Variants in PTPRN2 observed in about 807,000 individuals in gnomAD.
The protein encoded by PTPRN2 is protein tyrosine phosphatase receptor type N2.
PTPRN2 carries 74 observed loss-of-function variants against 118.8 expected under a neutral mutation model. The ratio of observed to expected loss-of-function variants is 0.62; its 90% CI spans 0.52 to 0.76. The LOEUF (loss-of-function observed/expected upper bound fraction) is 0.76, where lower values mean the gene tolerates loss of function less well. Among genes scored for constraint, PTPRN2 ranks in the 30% least tolerant of loss-of-function variants. PTPRN2 has a pLI of 0.00. For missense variants in PTPRN2, 1,481 were observed against 1,394.4 expected (o/e 1.06, Z -0.99); for synonymous variants, 641 against 608.0 (o/e 1.05, Z -0.80).
At chr7:157,799,618 C>G (rs1805101083) in intron 12 of PTPRN2, among the ~76,000 whole-genome samples, 1 of 152,102 alleles carries the variant, frequency 6.6e-6, no homozygotes, top group African/African-American at 2.4e-5. Context: ...CTCCTCAGGC[C>G]CAGTGTTCTG....
At chr7:158,163,016 T>G (rs938137997) in intron 6 of PTPRN2, among the ~76,000 whole-genome samples, 3 of 152,154 alleles carry the variant, frequency 2.0e-5, no homozygotes, top group African/African-American at 4.8e-5. Flanking sequence ...CAGTTGCTCT[T>G]TGTGTGTTGA....
intron 12 of PTPRN2, among the ~76,000 whole-genome samples, chr7:157,842,618 T>C (rs903990775): frequency 6.6e-6 from 1 of 152,024 alleles, no homozygotes; most frequent in African/African-American, 2.4e-5. Context: ...TTTCACCATG[T>C]CGGTCAGGCT....
chr7:158,528,743 G>A (rs567054259), intron 1 of PTPRN2, among the ~76,000 whole-genome samples: 1 of 149,356 alleles, frequency 6.7e-6, no homozygotes, highest in East Asian at 2.0e-4. Context: ...CCAGTAAGCC[G>A]AGATCACACC....
At chr7:158,348,963 GC>G (rs1262702229) in intron 2 of PTPRN2, among the ~76,000 whole-genome samples, 1 of 90,186 alleles carries the variant, frequency 1.1e-5, no homozygotes, top group East Asian at 3.4e-4. Context: ...GCTGAGGGTG[GC>G]CCACGTCACT....
intron 12 of PTPRN2, among the ~76,000 whole-genome samples, chr7:157,694,861 C>T (rs1026291740): frequency 4.0e-5 from 6 of 151,598 alleles, no homozygotes; most frequent in Non-Finnish European, 8.8e-5. Flanking sequence ...AACTTTTAAA[C>T]ATGACACAAA....
chr7:158,305,722 A>G (rs1199697702), intron 3 of PTPRN2, among the ~76,000 whole-genome samples: 1 of 152,082 alleles, frequency 6.6e-6, no homozygotes, highest in African/African-American at 2.4e-5. Flanking sequence ...ACCACCCAAA[A>G]ATATCAGAAT....
intron 11 of PTPRN2, among the ~76,000 whole-genome samples, chr7:157,911,241 A>G (rs1472787540): frequency 6.6e-6 from 1 of 152,196 alleles, no homozygotes; most frequent in Non-Finnish European, 1.5e-5. Flanking sequence ...AAACGTCTGC[A>G]TGGTGACTGG....
intron 1 of PTPRN2, among the ~76,000 whole-genome samples, chr7:158,508,371 C>T (rs901890767): frequency 6.6e-6 from 1 of 152,154 alleles, no homozygotes; most frequent in Non-Finnish European, 1.5e-5. Flanking sequence ...GTATGTGGCA[C>T]CTGTCCAAGC....
chr7:158,185,243 A>G (rs1409417791), intron 5 of PTPRN2, among the ~76,000 whole-genome samples: 1 of 152,162 alleles, frequency 6.6e-6, no homozygotes, highest in Non-Finnish European at 1.5e-5. Context: ...GTTGACATTT[A>G]TTGAGACTTA....
rs553223126 is a variant in PTPRN2 at position 157,676,703 on chromosome 7, G to A, written c.2001+6022C>T. Among the ~76,000 whole-genome samples, 222 of 152,322 alleles carry A rather than the reference G, an allele frequency of 1.5e-3. 1 individual carries two copies. The highest frequency in any genetic ancestry group is 5.2e-3 in the African/African-American group (218 of 41,564). On this transcript the variant is annotated intron_variant, in intron 13 of 22. Coordinates refer to ENST00000389418, the MANE Select transcript of PTPRN2 (RefSeq NM_002847.5). This position sits in a 1 kb window ranked among gnomAD's most constrained non-coding sequence, Gnocchi z 5.6. ...TATCTGCTGCTGACTTTGCCCCCTT[G>A]TAAAACAGGGTTGGGAGATAATGAG...
intron 12 of PTPRN2, among the ~76,000 whole-genome samples, chr7:157,824,152 G>A (rs1460833789): frequency 6.6e-6 from 1 of 152,130 alleles, no homozygotes; most frequent in Non-Finnish European, 1.5e-5. Flanking sequence ...TTTGTGCACA[G>A]CCTCCTGTGA....
At chr7:158,081,848 G>T (rs1393932268) in intron 10 of PTPRN2, among the ~76,000 whole-genome samples, 1 of 152,150 alleles carries the variant, frequency 6.6e-6, no homozygotes, top group African/African-American at 2.4e-5. Flanking sequence ...AAAACAACTG[G>T]CAGGGAATTG....
chr7:158,389,413 G>T (rs1406148586), intron 2 of PTPRN2, among the ~76,000 whole-genome samples: 1 of 152,222 alleles, frequency 6.6e-6, no homozygotes, highest in Non-Finnish European at 1.5e-5. Context: ...GATGTATTGT[G>T]CCTTCTTTCT....
rs35071475 is a variant in PTPRN2 at position 157,583,883 on chromosome 7, AACACACACACACACACACAC to A, written c.2497-5763_2497-5744del. Among the ~76,000 whole-genome samples, 1,507 of 134,264 alleles carry A rather than the reference AACACACACACACACACACAC, an allele frequency of 0.011. 27 individuals carry two copies. Among genetic ancestry groups the A allele is most frequent in the African/African-American group, 0.04 (1,429 of 35,640 alleles). 88.1% of individuals were successfully genotyped at this position (134,264 alleles called of 152,430 possible). A position where few individuals can be genotyped will look rare whatever the true frequency, so the allele number is the denominator to read the frequency against. Reference sequence around the variant, plus strand: ...GGTGACAGAGCGAGACTCTGTCTCAAACACACACACACACACACACACACACACACACACACACACACACA... The same window carrying A: ...GGTGACAGAGCGAGACTCTGTCTCAAACACACACACACACACACACACACA... On this transcript the variant is annotated intron_variant, in intron 17 of 22. Transcript: ENST00000389418. The surrounding 1 kb of genome is among the most constrained non-coding windows in gnomAD (Gnocchi z 5.5).
At chr7:158,379,142 G>A (rs916037517) in intron 2 of PTPRN2, among the ~76,000 whole-genome samples, 1 of 152,168 alleles carries the variant, frequency 6.6e-6, no homozygotes, top group African/African-American at 2.4e-5. Flanking sequence ...CCAGAGTGGG[G>A]AAGGCTCATA....
rs186214813 is a variant in PTPRN2, at chr7:158,580,007, A to T, written c.112+7551T>A. 2.8e-4 allele frequency among the ~76,000 whole-genome samples: 42 copies of T among 152,358 alleles called. No individual in the cohort carries two copies. In the East Asian group the frequency reaches 7.7e-3, roughly 28 times the overall value. ...ACCTTGGCCTGTTTTCAGGAAAAGC[A>T]GAGAAAGAGATTCAAGAACTCTTAG... is the stretch of plus-strand genomic sequence containing the variant. On this transcript the variant is annotated intron_variant, in intron 1 of 22. Coordinates refer to ENST00000389418, the MANE Select transcript of PTPRN2 (RefSeq NM_002847.5).
intron 2 of PTPRN2, among the ~76,000 whole-genome samples, chr7:158,414,913 AC>A (rs1814525117): frequency 6.6e-6 from 1 of 152,170 alleles, no homozygotes; most frequent in East Asian, 1.9e-4. Flanking sequence ...TCTGCCTGGG[AC>A]AAAAGCCTGC....
In PTPRN2 at chr7:157,621,284, GC is replaced by G. The variant is rs1265747909; in HGVS notation, c.2344+77del. The G allele has an allele frequency of 1.9e-3, 2,796 of 1,478,602 alleles. 31 individuals are homozygous for G. The East Asian group carries it at 0.031, about 16-fold the overall frequency. The allele number at this position is 1,478,602 out of a possible 1,614,324, so 91.6% of individuals were successfully genotyped here. A position where few individuals can be genotyped will look rare whatever the true frequency, so the allele number is the denominator to read the frequency against. On this transcript the variant is annotated intron_variant, in intron 15 of 22. Coordinates refer to ENST00000389418, the MANE Select transcript of PTPRN2 (RefSeq NM_002847.5). ...CGGAACCCTGGCCTCCTGCCCTCGG[GC>G]CTGGTATGTACAGGTCAGCACGGCC...
In PTPRN2 at chr7:158,310,880, G is replaced by A. The variant is rs116753150; in HGVS notation, c.277+5939C>T. Among the ~76,000 whole-genome samples the A allele has an allele frequency of 9.1e-3, 1,372 of 150,694 alleles. 175 individuals are homozygous for A. Among genetic ancestry groups the A allele is most frequent in the African/African-American group, 0.032 (1,290 of 40,256 alleles). On this transcript the variant is annotated intron_variant, in intron 3 of 22. Coordinates refer to ENST00000389418, the MANE Select transcript of PTPRN2 (RefSeq NM_002847.5). ...GGGCGAGCCCTGAGCCTGACAGAGC[G>A]CGAGTCACACGGAGGGTGAGCACCA...
Sources: allele counts gnomAD v4.1 joint callset (sites outside exome capture counted in the v4.1 genomes callset), GRCh38; gene constraint gnomAD v4.1.1; non-coding constraint Gnocchi (gnomAD v3.1); transcripts MANE v1.5; gene names NCBI Gene and HGNC (gene_info 2026-07-23, HGNC 2026-07-21).